Variants in KLF12 observed in about 807,000 individuals in gnomAD.
KLF12 encodes Krueppel-like factor 12.
Under a neutral mutation model 37.8 loss-of-function variants are expected in KLF12, and 9 were observed. The ratio of observed to expected loss-of-function variants is 0.24; its 90% CI spans 0.14 to 0.42. KLF12 has a LOEUF of 0.42. Among genes scored for constraint, KLF12 ranks in the 10% least tolerant of loss-of-function variants. The pLI is 1.00. For synonymous variants in KLF12, 208 were observed against 202.1 expected, an observed-to-expected ratio of 1.03 and a Z score of -0.25; for missense variants, 411 against 516.0, an observed-to-expected ratio of 0.80 and a Z score of 1.97.
the KLF12 span, among the ~76,000 whole-genome samples, chr13:74,286,455 G>A: frequency 6.6e-5 from 10 of 152,260 alleles, no homozygotes; most frequent in South Asian, 1.9e-3. Flanking sequence ...AGTAAAAAGC[G>A]TATTCAGGAT....
At chr13:73,723,448 T>C (rs1355402786) in intron 6 of KLF12, among the ~76,000 whole-genome samples, 1 of 152,006 alleles carries the variant, frequency 6.6e-6, no homozygotes, top group Non-Finnish European at 1.5e-5. Context: ...AATACCGGGG[T>C]TTAAATTATG....
chr13:73,867,250 T>A (rs149753153), intron 3 of KLF12, among the ~76,000 whole-genome samples: 1 of 151,234 alleles, frequency 6.6e-6, no homozygotes, highest in Admixed American at 6.6e-5. Context: ...AAAAAAACAC[T>A]AGGCAAATAC....
At chr13:74,237,567 C>T in the KLF12 span, among the ~76,000 whole-genome samples, 1 of 149,138 alleles carries the variant, frequency 6.7e-6, no homozygotes, top group Admixed American at 6.6e-5. Context: ...ATTCTTCCTA[C>T]CCATGAGCAT....
chr13:74,086,607 A>C (rs73214824), intron 1 of KLF12, among the ~76,000 whole-genome samples: 15,794 of 152,146 alleles, frequency 0.1, 1,035 homozygotes, highest in Middle Eastern at 0.17. Flanking sequence ...TTAAAGGCTT[A>C]AAACTATTAT....
chr13:73,784,837 C>T (rs549524190), intron 5 of KLF12, among the ~76,000 whole-genome samples: 4 of 151,950 alleles, frequency 2.6e-5, no homozygotes, highest in South Asian at 4.2e-4. Context: ...GGGGTTTCAC[C>T]GTGTTAGCCA....
chr13:74,063,691 C>G (rs1468931656), intron 1 of KLF12, among the ~76,000 whole-genome samples: 2 of 152,170 alleles, frequency 1.3e-5, no homozygotes, highest in Non-Finnish European at 2.9e-5. Context: ...GATTAATACT[C>G]AAATAGATTT....
At chr13:73,856,698 CA>C (rs1397707023) in intron 3 of KLF12, among the ~76,000 whole-genome samples, 1 of 151,888 alleles carries the variant, frequency 6.6e-6, no homozygotes, top group African/African-American at 2.4e-5. Context: ...TTAAACCAAA[CA>C]AAAAAAGGGC....
chr13:73,921,388 G>A (rs999871706), intron 3 of KLF12, among the ~76,000 whole-genome samples: 1 of 151,882 alleles, frequency 6.6e-6, no homozygotes, highest in Non-Finnish European at 1.5e-5. Context: ...ATATAACAAG[G>A]GCCTACAACA....
In KLF12 at chr13:73,794,258, C is replaced by T. The variant is rs530461019; in HGVS notation, c.806+18894G>A. Reference sequence around the variant, plus strand: ...GGCGGATCATCTGAGGTCGGGAGTTCGAGACCAGCCTGGCCAACATGGCGA... The same window carrying T: ...GGCGGATCATCTGAGGTCGGGAGTTTGAGACCAGCCTGGCCAACATGGCGA... On this transcript the variant is annotated intron_variant, in intron 5 of 7. Transcript: ENST00000377669. Among the ~76,000 whole-genome samples the T allele has an allele frequency of 4.6e-5, 7 of 152,304 alleles. No homozygotes were observed. The South Asian group carries it at 1.2e-3, about 27-fold the overall frequency.
the KLF12 span, among the ~76,000 whole-genome samples, chr13:74,291,537 A>G: frequency 6.6e-6 from 1 of 152,220 alleles, no homozygotes; most frequent in Admixed American, 6.5e-5. Flanking sequence ...GCGAAGCAGA[A>G]CATATATGGC....
chr13:74,024,129 T>C (rs772482666), intron 1 of KLF12, among the ~76,000 whole-genome samples: 16 of 152,198 alleles, frequency 1.1e-4, no homozygotes, highest in Non-Finnish European at 1.8e-4. Context: ...CATTTTCCAA[T>C]AGATACACTG....
At chr13:73,757,192 G>A (rs1460532171) in intron 6 of KLF12, among the ~76,000 whole-genome samples, 3 of 152,122 alleles carry the variant, frequency 2.0e-5, no homozygotes, top group Non-Finnish European at 4.4e-5. Context: ...TGAATATTTA[G>A]ACAGAGATAA....
rs781584755 is a variant in KLF12, at chr13:73,735,108, C to A, written c.870-19583G>T. 1.2e-3 allele frequency among the ~76,000 whole-genome samples: 166 copies of A among 137,224 alleles called. 1 individual carries two copies. Among genetic ancestry groups the A allele is most frequent in the Non-Finnish European group, 2.3e-3 (152 of 65,608 alleles). The allele number at this position is 137,224 out of a possible 152,430, so 90.0% of individuals were successfully genotyped here. ...TTCAAGACCAGCCTGGGCAACATAG[C>A]AAGTTCTCACCTCTACTATTAAAAA... On this transcript the variant is annotated intron_variant, in intron 6 of 7. Transcript: ENST00000377669.
chr13:74,292,452 C>CTT, the KLF12 span, among the ~76,000 whole-genome samples: 305 of 136,532 alleles, frequency 2.2e-3, 1 homozygote, highest in African/African-American at 8.2e-3. Context: ...GTTTCTTTTT[C>CTT]TTTTTTTTTT....
At chr13:74,115,087 G>A (rs2138947876) in intron 1 of KLF12, among the ~76,000 whole-genome samples, 1 of 152,088 alleles carries the variant, frequency 6.6e-6, no homozygotes, top group South Asian at 2.1e-4. Flanking sequence ...AAGGGTTTGG[G>A]GACCACTGTT....
intron 1 of KLF12, among the ~76,000 whole-genome samples, chr13:74,028,214 A>C (rs1229689896): frequency 1.3e-5 from 2 of 152,196 alleles, no homozygotes; most frequent in Non-Finnish European, 2.9e-5. Context: ...AAAAAGGAAA[A>C]ACTGTAAGTA....
chr13:74,036,788 G>C (rs1045145738), intron 1 of KLF12, among the ~76,000 whole-genome samples: 1 of 152,222 alleles, frequency 6.6e-6, no homozygotes, highest in African/African-American at 2.4e-5. Flanking sequence ...AGACAGGGAA[G>C]AGGATGTAGA....
At chr13:73,811,304 C>T (rs919430967) in intron 5 of KLF12, among the ~76,000 whole-genome samples, 1 of 151,972 alleles carries the variant, frequency 6.6e-6, no homozygotes, top group Non-Finnish European at 1.5e-5. Context: ...CAGGATAATA[C>T]TACTGATAAC....
intron 5 of KLF12, among the ~76,000 whole-genome samples, chr13:73,797,052 T>C (rs1483911506): frequency 6.6e-6 from 1 of 152,210 alleles, no homozygotes; most frequent in South Asian, 2.1e-4. Flanking sequence ...ACAAGGCCTT[T>C]CTGGGTGATG....
Sources: gnomAD v4.1 joint callset for allele counts (sites outside exome capture counted in the v4.1 genomes callset) on GRCh38, gnomAD v4.1.1 for gene constraint, MANE v1.5 for transcripts, NCBI Gene and HGNC (gene_info 2026-07-23, HGNC 2026-07-21) for gene names.